The following CNTN5 variants were observed in gnomAD, a reference collection of about 807,000 sequenced individuals.
The protein encoded by CNTN5 is contactin 5.
Under a neutral mutation model 129.1 loss-of-function variants are expected in CNTN5, and 77 were observed. The observed-to-expected ratio is 0.60, with a 90% CI of 0.50 to 0.72. CNTN5 has a LOEUF of 0.72. Ranked by LOEUF, CNTN5 falls within the 30% of genes least tolerant of loss-of-function variation. The pLI is 0.00. For missense variants in CNTN5, 1,478 were observed against 1,328.8 expected, an observed-to-expected ratio of 1.11 and a Z score of -1.75; for synonymous variants, 509 against 465.6, an observed-to-expected ratio of 1.09 and a Z score of -1.20.
intron 2 of CNTN5, among the ~76,000 whole-genome samples, chr11:99,381,443 G>A (rs1279036420): frequency 2.0e-5 from 3 of 152,202 alleles, no homozygotes; most frequent in Non-Finnish European, 4.4e-5. Context: ...GTATTTTAAT[G>A]CAATTGGCAT....
chr11:99,445,624 A>T (rs533075180), intron 2 of CNTN5, among the ~76,000 whole-genome samples: 2 of 152,154 alleles, frequency 1.3e-5, no homozygotes, highest in South Asian at 4.1e-4. Context: ...TTTTTATTCT[A>T]TCCTCAAAGA....
chr11:100,221,151 G>A (rs895950228), intron 15 of CNTN5, among the ~76,000 whole-genome samples: 3 of 152,152 alleles, frequency 2.0e-5, no homozygotes, highest in Non-Finnish European at 2.9e-5. Context: ...TCTGAGCTGT[G>A]TCTAAAAGAA....
chr11:100,298,565 G>A (rs1020334819), intron 19 of CNTN5, among the ~76,000 whole-genome samples: 5 of 151,140 alleles, frequency 3.3e-5, no homozygotes, highest in African/African-American at 1.2e-4. Flanking sequence ...GACAGTGGCT[G>A]GTAACTTTTC....
At position 99,829,745 on chromosome 11, in the gene CNTN5, A is replaced by G. The variant is rs181515056; in HGVS notation, c.277+9980A>G. 7.9e-5 allele frequency among the ~76,000 whole-genome samples: 12 copies of G among 152,346 alleles called. No homozygotes were observed. The East Asian group carries it at 2.3e-3, about 29-fold the overall frequency. On this transcript the variant is annotated intron_variant, in intron 4 of 24. Coordinates refer to ENST00000524871, the MANE Select transcript of CNTN5 (RefSeq NM_014361.4). ...ATTACTCTAAAGTAGTTATTTGAGT[A>G]CAAAGAGTGACATTTAAGTGATTTA...
chr11:99,759,631 A>C (rs1944513562), intron 3 of CNTN5, among the ~76,000 whole-genome samples: 2 of 143,794 alleles, frequency 1.4e-5, no homozygotes, highest in South Asian at 5.0e-4. Flanking sequence ...ATCTAGGGTC[A>C]GATGACGAAT....
intron 6 of CNTN5, among the ~76,000 whole-genome samples, chr11:99,901,520 T>C (rs1039475104): frequency 1.3e-5 from 2 of 152,156 alleles, no homozygotes; most frequent in African/African-American, 4.8e-5. Context: ...CTCGAACTCC[T>C]GACCTCAAGT....
At chr11:99,779,330 T>C (rs2135379344) in intron 3 of CNTN5, among the ~76,000 whole-genome samples, 1 of 152,090 alleles carries the variant, frequency 6.6e-6, no homozygotes, top group South Asian at 2.1e-4. Flanking sequence ...GATATGGAAA[T>C]AGAATTTTTA....
At chr11:99,135,049 A>G (rs1314886426) in intron 1 of CNTN5, among the ~76,000 whole-genome samples, 2 of 152,198 alleles carry the variant, frequency 1.3e-5, no homozygotes, top group Non-Finnish European at 2.9e-5. Flanking sequence ...ACACTATAAT[A>G]TAAGCCTTGC....
rs1947631617 is a variant in CNTN5, at chr11:99,844,859, G to A, written c.285G>A (p.Val95=). 6.2e-7 allele frequency: 1 copy of A among 1,612,132 alleles called. No individual in the cohort carries two copies. Residue 95 remains valine, a synonymous_variant, in exon 5 of 25, where the codon GTG becomes GTA. Coordinates refer to ENST00000524871, the MANE Select transcript of CNTN5 (RefSeq NM_014361.4). ...SSDAFKQDES[V]DYGPVFVQEP... Reference sequence around the variant, plus strand: ...TCTGTTTTGTCTTTACAGAAAGTGTGGACTATGGGCCAGTTTTTGTGCAAG... The same window carrying A: ...TCTGTTTTGTCTTTACAGAAAGTGTAGACTATGGGCCAGTTTTTGTGCAAG...
intron 2 of CNTN5, among the ~76,000 whole-genome samples, chr11:99,445,915 C>T (rs1000473238): frequency 6.6e-6 from 1 of 151,906 alleles, no homozygotes; most frequent in African/African-American, 2.4e-5. Flanking sequence ...GAAACTCTGT[C>T]TCTACTAAAA....
At chr11:99,903,576 G>T (rs1188428207) in intron 6 of CNTN5, among the ~76,000 whole-genome samples, 2 of 152,178 alleles carry the variant, frequency 1.3e-5, no homozygotes, top group East Asian at 3.9e-4. Flanking sequence ...ATCTAGAGGG[G>T]CTGTTCTAAG....
At chr11:99,421,543 T>A (rs1423760960) in intron 2 of CNTN5, among the ~76,000 whole-genome samples, 1 of 152,196 alleles carries the variant, frequency 6.6e-6, no homozygotes, top group Non-Finnish European at 1.5e-5. Context: ...TATAGCACCT[T>A]TGGATTTTTA....
chr11:99,392,388 C>T (rs1941310491), intron 2 of CNTN5, among the ~76,000 whole-genome samples: 3 of 151,590 alleles, frequency 2.0e-5, no homozygotes, highest in Non-Finnish European at 4.4e-5. Context: ...AAGTGCCACC[C>T]CTCCTTCATA....
rs536561631 is a variant in CNTN5, at chr11:100,301,935, G to A, written c.2620+2539G>A. Among the ~76,000 whole-genome samples, 10 of 151,822 alleles carry A rather than the reference G, an allele frequency of 6.6e-5. No individual in the cohort carries two copies. In the South Asian group the frequency reaches 1.9e-3, roughly 28 times the overall value. ...GCCTATAATCCCAACACATTGGGAG[G>A]TTGAGGCAGGAGGATTGCTTGAGCC... is the stretch of plus-strand genomic sequence containing the variant. On this transcript the variant is annotated intron_variant, in intron 20 of 24. Transcript: ENST00000524871.
intron 21 of CNTN5, among the ~76,000 whole-genome samples, chr11:100,320,028 G>A (rs1195142179): frequency 6.6e-6 from 1 of 152,308 alleles, no homozygotes; most frequent in Middle Eastern, 3.4e-3. Context: ...TGAGAGTGCA[G>A]ATGTCTTTTT....
At chr11:99,087,970 TTAA>T (rs1322710356) in intron 1 of CNTN5, among the ~76,000 whole-genome samples, 1 of 152,222 alleles carries the variant, frequency 6.6e-6, no homozygotes, top group Non-Finnish European at 1.5e-5. Flanking sequence ...CTTGAAATTC[TTAA>T]TAATTTTTGC....
At chr11:99,484,902 A>T (rs1945749060) in intron 2 of CNTN5, among the ~76,000 whole-genome samples, 5 of 152,060 alleles carry the variant, frequency 3.3e-5, no homozygotes, top group Admixed American at 3.3e-4. Flanking sequence ...AGGATACTAG[A>T]GATTGGGAAG....
intron 1 of CNTN5, among the ~76,000 whole-genome samples, chr11:99,021,659 G>A (rs1454695832): frequency 6.6e-6 from 1 of 152,200 alleles, no homozygotes; most frequent in Non-Finnish European, 1.5e-5. Context: ...GGTACTGAAT[G>A]TATGCCTTAT....
At chr11:99,234,767 G>C (rs1219328614) in intron 1 of CNTN5, among the ~76,000 whole-genome samples, 1 of 151,788 alleles carries the variant, frequency 6.6e-6, no homozygotes, top group African/African-American at 2.4e-5. Flanking sequence ...AATAATAAAA[G>C]TAAATAAATA....
Sources: gnomAD v4.1 joint callset for allele counts (sites outside exome capture counted in the v4.1 genomes callset) on GRCh38, gnomAD v4.1.1 for gene constraint, MANE v1.5 for transcripts, NCBI Gene and HGNC (gene_info 2026-07-23, HGNC 2026-07-21) for gene names.